The following PUS10 variants were observed in gnomAD, a reference collection of about 807,000 sequenced individuals.
PUS10 encodes pseudouridine synthase 10, also known as tRNA pseudouridine synthase Pus10.
Under a neutral mutation model 75.0 loss-of-function variants are expected in PUS10, and 59 were observed. The ratio of observed to expected loss-of-function variants is 0.79; its 90% CI spans 0.64 to 0.98. The LOEUF is 0.98. Ranked by LOEUF, PUS10 falls within the 50% of genes least tolerant of loss-of-function variation. PUS10 has a pLI of 0.00. For missense variants in PUS10, 650 were observed against 614.4 expected, an observed-to-expected ratio of 1.06 and a Z score of -0.61; for synonymous variants, 219 against 211.6, an observed-to-expected ratio of 1.03 and a Z score of -0.30.
intron 11 of PUS10, among the ~76,000 whole-genome samples, chr2:60,958,103 G>T (rs972285212): frequency 6.6e-6 from 1 of 152,174 alleles, no homozygotes; most frequent in Admixed American, 6.5e-5. Flanking sequence ...TCTTTCAGCT[G>T]CCCACCACTC....
Position 60,942,412 on chromosome 2 carries a change from G to A in PUS10, c.1573C>T (p.Pro525Ser), listed in dbSNP as rs1674674926. The A allele has an allele frequency of 3.1e-6, 5 of 1,613,456 alleles. No individual in the cohort carries two copies. The highest frequency in any genetic ancestry group is 1.1e-5 in the South Asian group (1 of 91,086). ...DVESVDVDWP[P>S]ALDD ...TTTGAAAGCTAGTCATCCAGAGCAG[G>A]TGGCCAGTCAACATCTACAGACTAG... The change falls in exon 18 of 18, where the codon CCT becomes TCT. Residue 525 changes from proline to serine, a missense_variant. Physicochemically the swap from Pro to Ser is moderately conservative, Grantham distance 74. Transcript: ENST00000316752.
chr2:60,942,093 GT>G lies in PUS10; in HGVS notation c.*301del. On this transcript the variant is annotated 3_prime_UTR_variant, in exon 18 of 18. Coordinates refer to ENST00000316752, the MANE Select transcript of PUS10 (RefSeq NM_144709.4). ...CTTAGGTTAACAGAGAATGTGTCCT[GT>G]TTGTGCACCTCTCTAAATGAAAGAA... 3.4e-6 allele frequency: 1 copy of G among 293,882 alleles called. No individual in the cohort carries two copies. 18.2% of individuals were successfully genotyped at this position (293,882 alleles called of 1,614,324 possible).
At chr2:61,007,809 G>A (rs1679328458) in intron 3 of PUS10, among the ~76,000 whole-genome samples, 1 of 151,610 alleles carries the variant, frequency 6.6e-6, no homozygotes, top group South Asian at 2.1e-4. Flanking sequence ...AATTTGGCCG[G>A]GCACGGTGGC....
chr2:60,970,922 G>A (rs1354275016), intron 5 of PUS10, among the ~76,000 whole-genome samples: 2 of 152,238 alleles, frequency 1.3e-5, no homozygotes, highest in Non-Finnish European at 1.5e-5. Context: ...GCTCGTGCCT[G>A]TAATCCCACC....
chr2:60,948,153 G>A lies in PUS10; in HGVS notation c.1341C>T (p.Arg447=), dbSNP rs538946099. The change falls in exon 16 of 18, where the codon CGC becomes CGT. Residue 447 remains arginine (R), a synonymous_variant. Coordinates refer to ENST00000316752, the MANE Select transcript of PUS10 (RefSeq NM_144709.4). ...DLKIDQKTPL[R]VLHRRPLAVR... ...CAGCCAGGGGCCTTCGGTGAAGGAC[G>A]CGCAAAGGTGTTTTCTGGTCGATTT... is the stretch of plus-strand genomic sequence containing the variant. 7 of 1,614,006 alleles carry A rather than the reference G, an allele frequency of 4.3e-6. No individual in the cohort carries two copies. The East Asian group carries it at 8.9e-5, about 21-fold the overall frequency.
At chr2:60,992,166 A>T (rs1191561423) in intron 4 of PUS10, among the ~76,000 whole-genome samples, 1 of 152,040 alleles carries the variant, frequency 6.6e-6, no homozygotes, top group Non-Finnish European at 1.5e-5. Flanking sequence ...GCCTGCCACC[A>T]CACCCAGCTA....
At chr2:61,010,870 T>C in intron 2 of PUS10, 2 of 1,550,170 alleles carry the variant, frequency 1.3e-6, no homozygotes, top group Non-Finnish European at 1.7e-6. Flanking sequence ...TTAACCTCTC[T>C]GTATCTCAGT....
rs1404163585 is a variant in PUS10, at chr2:60,953,024, T to C, written c.1281A>G (p.Lys427=). Residue 427 remains lysine, a synonymous_variant, in exon 15 of 18, where the codon AAA becomes AAG. Transcript: ENST00000316752. ...TTATGTCATTTAGGAATTCAATGTC[T>C]TTCTTCTGTATCGCTTTATTTGTCC... ...LIWTNKAIQK[K]DIEFLNDIKD... is the part of the protein sequence containing the mutation. 1 of 1,585,990 alleles carries C rather than the reference T, an allele frequency of 6.3e-7. No individual in the cohort carries two copies. The highest frequency in any genetic ancestry group is 8.7e-7 in the Non-Finnish European group (1 of 1,154,726).
At chr2:60,964,475 T>TA in intron 8 of PUS10, among the ~76,000 whole-genome samples, 1 of 152,198 alleles carries the variant, frequency 6.6e-6, no homozygotes, top group African/African-American at 2.4e-5. Flanking sequence ...CCTGACATGA[T>TA]ACGAGCTAAG....
intron 4 of PUS10, among the ~76,000 whole-genome samples, chr2:60,987,151 T>C (rs190273557): frequency 6.6e-6 from 1 of 152,350 alleles, no homozygotes; most frequent in Non-Finnish European, 1.5e-5. Flanking sequence ...AAATTTGCCA[T>C]GAATCTGAGA....
intron 9 of PUS10, among the ~76,000 whole-genome samples, chr2:60,962,351 C>T (rs1032653698): frequency 2.6e-5 from 4 of 152,316 alleles, no homozygotes; most frequent in Non-Finnish European, 4.4e-5. Context: ...GCGGGTGGAT[C>T]ACCTGAGGTC....
chr2:60,979,789 TTTAGA>T (rs1677269032), intron 4 of PUS10, among the ~76,000 whole-genome samples: 1 of 152,208 alleles, frequency 6.6e-6, no homozygotes, highest in Non-Finnish European at 1.5e-5. Flanking sequence ...AATAAGAACT[TTTAGA>T]TAGCATTGAA....
intron 11 of PUS10, among the ~76,000 whole-genome samples, chr2:60,956,609 G>A (rs1675667766): frequency 6.6e-6 from 1 of 152,110 alleles, no homozygotes; most frequent in African/African-American, 2.4e-5. Context: ...AGAAAGCTAG[G>A]CCCTTGAGAA....
chr2:60,945,161 G>A, intron 16 of PUS10, 53 bp from the exon 17 acceptor site: 1 of 1,157,654 alleles, frequency 8.6e-7, no homozygotes. Context: ...CAACTATTTG[G>A]TAAGATTTGA....
chr2:60,962,451 A>G (rs1281818010), intron 9 of PUS10, among the ~76,000 whole-genome samples: 1 of 152,100 alleles, frequency 6.6e-6, no homozygotes, highest in Non-Finnish European at 1.5e-5. Context: ...GTGCATGCCT[A>G]TAATCCCAGC....
At chr2:60,974,298 C>A (rs1477016136) in intron 4 of PUS10, among the ~76,000 whole-genome samples, 1 of 149,116 alleles carries the variant, frequency 6.7e-6, no homozygotes. Flanking sequence ...TCACTGCAAC[C>A]TCCGCCTCCC....
In PUS10 at chr2:60,941,987, C is replaced by G; in HGVS notation, c.*408G>C. 6.2e-6 allele frequency: 1 copy of G among 161,616 alleles called. No individual in the cohort carries two copies. Among genetic ancestry groups the G allele is most frequent in the Non-Finnish European group, 1.4e-5 (1 of 73,792 alleles). 10.0% of individuals were successfully genotyped at this position (161,616 alleles called of 1,614,324 possible). Reference sequence around the variant, plus strand: ...CATAAATCTAGATATAACTTTTATTCAGATAATTTACAAAAATTAGAACAT... The same window carrying G: ...CATAAATCTAGATATAACTTTTATTGAGATAATTTACAAAAATTAGAACAT... On this transcript the variant is annotated 3_prime_UTR_variant, in exon 18 of 18. Transcript: ENST00000316752.
At chr2:60,978,921 T>C (rs1452582009) in intron 4 of PUS10, among the ~76,000 whole-genome samples, 2 of 152,246 alleles carry the variant, frequency 1.3e-5, no homozygotes, top group Non-Finnish European at 2.9e-5. Flanking sequence ...TTGAGGTTTC[T>C]AAATCACCAC....
intron 3 of PUS10, among the ~76,000 whole-genome samples, chr2:61,007,226 T>A (rs116067957): frequency 0.069 from 6,051 of 87,348 alleles, 348 homozygotes; most frequent in African/African-American, 0.3. Context: ...TTTTTTTTTT[T>A]TTAAAAAAAA....
Sources: allele counts gnomAD v4.1 joint callset (sites outside exome capture counted in the v4.1 genomes callset), GRCh38; gene constraint gnomAD v4.1.1; transcripts MANE v1.5; gene names NCBI Gene and HGNC (gene_info 2026-07-23, HGNC 2026-07-21).